The following ARHGAP24 variants were observed in gnomAD, a reference collection of about 807,000 sequenced individuals.
ARHGAP24 encodes the protein rho GTPase-activating protein 24.
In ARHGAP24, 50 loss-of-function variants were observed where a neutral mutation model predicts 76.4. The ratio of observed to expected loss-of-function variants is 0.65; its 90% CI spans 0.52 to 0.83. ARHGAP24 has a LOEUF of 0.83. Ranked by LOEUF, ARHGAP24 falls within the 40% of genes least tolerant of loss-of-function variation. The probability of loss-of-function intolerance (pLI) is 0.00; values close to 1 mark genes in which losing one functional copy is unlikely to be tolerated. For synonymous variants in ARHGAP24, 345 were observed against 323.3 expected, an observed-to-expected ratio of 1.07 and a Z score of -0.72; for missense variants, 930 against 914.2, an observed-to-expected ratio of 1.02 and a Z score of -0.22.
At chr4:85,936,243 C>T (rs1047358447) in intron 4 of ARHGAP24, among the ~76,000 whole-genome samples, 1 of 152,092 alleles carries the variant, frequency 6.6e-6, no homozygotes, top group East Asian at 1.9e-4. Flanking sequence ...ATTAATGGCA[C>T]GACCCACGAA....
intron 2 of ARHGAP24, among the ~76,000 whole-genome samples, chr4:85,584,443 G>A (rs574467645): frequency 2.7e-5 from 4 of 149,946 alleles, no homozygotes; most frequent in South Asian, 2.2e-4. Flanking sequence ...GACTGTTGTG[G>A]GGTTGGGGGA....
chr4:85,776,252 CCT>C, intron 3 of ARHGAP24, among the ~76,000 whole-genome samples: 1 of 152,140 alleles, frequency 6.6e-6, no homozygotes, highest in African/African-American at 2.4e-5. Flanking sequence ...GACTGCCTTG[CCT>C]GTGTTAATAT....
intron 3 of ARHGAP24, among the ~76,000 whole-genome samples, chr4:85,757,506 G>A (rs1300692481): frequency 1.3e-5 from 2 of 152,052 alleles, no homozygotes; most frequent in East Asian, 3.9e-4. Flanking sequence ...TGAGAATGAT[G>A]GTTTCCAGCT....
At chr4:85,695,355 T>G (rs1723830094) in intron 2 of ARHGAP24, among the ~76,000 whole-genome samples, 1 of 152,184 alleles carries the variant, frequency 6.6e-6, no homozygotes, top group Non-Finnish European at 1.5e-5. Context: ...CTAACATGTT[T>G]GCCTGTTACA....
intron 2 of ARHGAP24, among the ~76,000 whole-genome samples, chr4:85,643,890 G>C (rs1721623814): frequency 6.6e-6 from 1 of 152,148 alleles, no homozygotes; most frequent in African/African-American, 2.4e-5. Context: ...AGTAAGTCCA[G>C]GAAAGATTAG....
At chr4:85,664,114 G>C (rs1382747512) in intron 2 of ARHGAP24, among the ~76,000 whole-genome samples, 1 of 151,398 alleles carries the variant, frequency 6.6e-6, no homozygotes, top group Admixed American at 6.6e-5. Flanking sequence ...ACCTCTGGTA[G>C]AATTCGGCTG....
chr4:85,992,010 G>T, intron 8 of ARHGAP24: 1 of 394,308 alleles, frequency 2.5e-6, no homozygotes, highest in South Asian at 1.3e-4. Context: ...GTGATATTTA[G>T]AGTCAACCTG....
intron 3 of ARHGAP24, among the ~76,000 whole-genome samples, chr4:85,740,466 G>T (rs1184695153): frequency 1.3e-5 from 2 of 151,984 alleles, no homozygotes; most frequent in African/African-American, 4.8e-5. Flanking sequence ...CAAGTCATCT[G>T]CCTGCCTCGG....
intron 1 of ARHGAP24, among the ~76,000 whole-genome samples, chr4:85,488,044 C>G (rs1429484908): frequency 6.7e-6 from 1 of 150,160 alleles, no homozygotes; most frequent in African/African-American, 2.5e-5. Context: ...TAGCTGGGGA[C>G]TACAGGCGCC....
intron 2 of ARHGAP24, among the ~76,000 whole-genome samples, chr4:85,590,176 GCCTGCCTGCCTGCCTGCCTT>G (rs1728026926): frequency 1.0e-5 from 1 of 97,096 alleles, no homozygotes; most frequent in African/African-American, 3.6e-5. Flanking sequence ...CTGCCTGCCT[GCCTGCCTGCCTGCCTGCCTT>G]CCTTCCTTCC....
At chr4:85,796,203 T>TAC (rs10658115) in intron 3 of ARHGAP24, among the ~76,000 whole-genome samples, 85,281 of 150,576 alleles carry the variant, frequency 0.57, 24,367 homozygotes, top group East Asian at 0.77. Context: ...TTATACCTAC[T>TAC]ACACACACAC....
At chr4:85,524,420 A>G (rs1724903539) in intron 1 of ARHGAP24, among the ~76,000 whole-genome samples, 2 of 152,180 alleles carry the variant, frequency 1.3e-5, no homozygotes, top group Non-Finnish European at 2.9e-5. Flanking sequence ...ATTTACTGAA[A>G]TAAAGTTTAT....
At chr4:85,772,698 G>C (rs1180022204) in intron 3 of ARHGAP24, among the ~76,000 whole-genome samples, 1 of 152,200 alleles carries the variant, frequency 6.6e-6, no homozygotes, top group Non-Finnish European at 1.5e-5. Flanking sequence ...TTGCAAAGTA[G>C]CTAAACATGT....
chr4:85,715,165 A>G (rs72974960), intron 2 of ARHGAP24, among the ~76,000 whole-genome samples: 1,581 of 152,206 alleles, frequency 0.01, 30 homozygotes, highest in African/African-American at 0.035. Context: ...ATCAAACGCT[A>G]TGGTATTTAT....
At chr4:85,584,362 G>C (rs1384031743) in intron 2 of ARHGAP24, among the ~76,000 whole-genome samples, 1 of 148,984 alleles carries the variant, frequency 6.7e-6, no homozygotes, top group Non-Finnish European at 1.5e-5. Context: ...AACACCACAT[G>C]TTCTCACTCA....
At chr4:85,565,871 A>T (rs189645258) in intron 1 of ARHGAP24, among the ~76,000 whole-genome samples, 1 of 150,360 alleles carries the variant, frequency 6.7e-6, no homozygotes, top group East Asian at 1.9e-4. Flanking sequence ...GTATGGTTTG[A>T]CTCTTAGAAG....
At chr4:85,542,802 G>T (rs2110124004) in intron 1 of ARHGAP24, among the ~76,000 whole-genome samples, 1 of 152,280 alleles carries the variant, frequency 6.6e-6, no homozygotes, top group East Asian at 1.9e-4. Context: ...GAACCAAACT[G>T]CTTGGCTTGA....
At chr4:85,630,338 G>A (rs1721119323) in intron 2 of ARHGAP24, among the ~76,000 whole-genome samples, 1 of 152,152 alleles carries the variant, frequency 6.6e-6, no homozygotes, top group Non-Finnish European at 1.5e-5. Flanking sequence ...CAGACAACTT[G>A]TAGATTTCCA....
At chr4:85,606,349 T>C (rs1296138693) in intron 2 of ARHGAP24, among the ~76,000 whole-genome samples, 2 of 151,796 alleles carry the variant, frequency 1.3e-5, no homozygotes, top group Non-Finnish European at 2.9e-5. Context: ...CTGTCTCTAC[T>C]AAAATACAAA....
Sources: allele counts gnomAD v4.1 joint callset (sites outside exome capture counted in the v4.1 genomes callset), GRCh38; gene constraint gnomAD v4.1.1; transcripts MANE v1.5; gene names NCBI Gene and HGNC (gene_info 2026-07-23, HGNC 2026-07-21).